EVC2: variants seen among roughly 807,000 people sequenced by gnomAD.
EVC2 encodes EvC ciliary complex subunit 2.
Under a neutral mutation model 149.3 loss-of-function variants are expected in EVC2, and 148 were observed. The ratio of observed to expected loss-of-function variants is 0.99; its 90% confidence interval spans 0.87 to 1.14. EVC2 has a LOEUF of 1.14. Among genes scored for constraint, EVC2 ranks in the 50% most tolerant of loss-of-function variants. The pLI, the probability that EVC2 is intolerant of heterozygous loss-of-function variation, is 0.00. For missense variants in EVC2, 1,854 were observed against 1,627.3 expected, an observed-to-expected ratio of 1.14 and a Z score of -2.40; for synonymous variants, 776 against 649.9, an observed-to-expected ratio of 1.19 and a Z score of -2.95.
At chr4:5,538,294 A>G (rs1043527282), downstream of EVC2, among the ~76,000 whole-genome samples, 1 of 152,202 alleles carries the variant, frequency 6.6e-6, no homozygotes, top group African/African-American at 2.4e-5. Context: ...GAAGAAACAG[A>G]TACTGTATAC....
intron 7 of EVC2, among the ~76,000 whole-genome samples, chr4:5,673,565 C>CCA (rs1719800998): frequency 6.6e-6 from 1 of 151,792 alleles, no homozygotes; most frequent in Non-Finnish European, 1.5e-5. Context: ...ATCCCGGCTT[C>CCA]CCCCCCAGAG....
chr4:5,596,854 T>C (rs973785765), intron 16 of EVC2, among the ~76,000 whole-genome samples: 3 of 151,984 alleles, frequency 2.0e-5, no homozygotes, highest in African/African-American at 4.8e-5. Context: ...AAGAATCAAA[T>C]ACACGCAATA....
At chr4:5,674,194 T>C (rs1248459678) in intron 7 of EVC2, among the ~76,000 whole-genome samples, 2 of 152,168 alleles carry the variant, frequency 1.3e-5, no homozygotes, top group African/African-American at 4.8e-5. Flanking sequence ...GCCTCCCAGC[T>C]GACAATTGGG....
chr4:5,615,015 T>G (rs1715134265), intron 16 of EVC2, among the ~76,000 whole-genome samples: 1 of 151,668 alleles, frequency 6.6e-6, no homozygotes, highest in Non-Finnish European at 1.5e-5. Context: ...AAAATGGGGC[T>G]GAAGGGAGAG....
rs184663593 is a variant in EVC2, at chr4:5,630,655, C to G, written c.1710+1138G>C. On this transcript the variant is annotated intron_variant, in intron 11 of 21. Coordinates refer to ENST00000344408, the MANE Select transcript of EVC2 (RefSeq NM_147127.5). ...AGAAGCACAGTGATGCACTCATGAC[C>G]GTGAACACATTACTGCACTGAGGAA... 3.9e-5 allele frequency among the ~76,000 whole-genome samples: 6 copies of G among 152,094 alleles called. 1 individual carries two copies. The highest frequency in any genetic ancestry group is 1.4e-4 in the African/African-American group (6 of 41,414).
At chr4:5,693,963 C>G (rs1186189364) in intron 3 of EVC2, among the ~76,000 whole-genome samples, 1 of 152,202 alleles carries the variant, frequency 6.6e-6, no homozygotes, top group Non-Finnish European at 1.5e-5. Context: ...ATAGAAAGTG[C>G]TAAACCCAGT....
At chr4:5,609,833 G>A (rs985609525) in intron 16 of EVC2, among the ~76,000 whole-genome samples, 16 of 152,184 alleles carry the variant, frequency 1.1e-4, no homozygotes, top group Non-Finnish European at 2.4e-4. Flanking sequence ...TCTGCTTCCC[G>A]TGCTGGGTCT....
At chr4:5,571,134 G>T (rs572612058) in intron 19 of EVC2, among the ~76,000 whole-genome samples, 3 of 151,960 alleles carry the variant, frequency 2.0e-5, no homozygotes, top group African/African-American at 7.2e-5. Flanking sequence ...TGGCCAACGT[G>T]GTGAAACCCC....
chr4:5,574,052 C>T (rs888699587), intron 19 of EVC2, among the ~76,000 whole-genome samples: 25 of 152,364 alleles, frequency 1.6e-4, no homozygotes, highest in Middle Eastern at 3.4e-3. Context: ...GTCACTGCAT[C>T]AGCGAGCACC....
chr4:5,546,188 A>C (rs187839656), intron 21 of EVC2, among the ~76,000 whole-genome samples: 379 of 152,320 alleles, frequency 2.5e-3, no homozygotes, highest in African/African-American at 7.6e-3. Flanking sequence ...TAGACATACC[A>C]TTTGACCCAG....
intron 21 of EVC2, among the ~76,000 whole-genome samples, chr4:5,546,918 C>T (rs1350367507): frequency 6.6e-6 from 1 of 152,132 alleles, no homozygotes; most frequent in Non-Finnish European, 1.5e-5. Flanking sequence ...GGGGAAGGAG[C>T]TTCCCTGGTG....
intron 2 of EVC2, among the ~76,000 whole-genome samples, chr4:5,694,957 C>T (rs1321669807): frequency 6.6e-6 from 1 of 152,160 alleles, no homozygotes; most frequent in African/African-American, 2.4e-5. Flanking sequence ...TGGGCACCCG[C>T]CTACTGCAGA....
chr4:5,663,525 A>G (rs192030272), intron 8 of EVC2, among the ~76,000 whole-genome samples: 10 of 152,360 alleles, frequency 6.6e-5, no homozygotes, highest in African/African-American at 2.2e-4. Flanking sequence ...TAAGACCTAT[A>G]AACTATTTAA....
chr4:5,651,806 C>G (rs4689271), intron 9 of EVC2, among the ~76,000 whole-genome samples: 57,145 of 152,128 alleles, frequency 0.38, 11,642 homozygotes, highest in East Asian at 0.48. Context: ...CAGGCTAACT[C>G]CCCTTATAGC....
intron 4 of EVC2, 84 bp from the exon 5 acceptor site, chr4:5,689,427 A>T (rs1720954895): frequency 1.5e-6 from 2 of 1,370,810 alleles, no homozygotes; most frequent in Non-Finnish European, 2.1e-6. Flanking sequence ...GCCTGTGCAC[A>T]TTAGGCATCC....
At chr4:5,608,516 G>C (rs1714575042) in intron 16 of EVC2, among the ~76,000 whole-genome samples, 1 of 152,138 alleles carries the variant, frequency 6.6e-6, no homozygotes. Context: ...TTCTGAAAGA[G>C]ATTAGCATCT....
intron 10 of EVC2, among the ~76,000 whole-genome samples, chr4:5,638,459 G>T (rs1038700526): frequency 1.3e-5 from 2 of 152,006 alleles, no homozygotes; most frequent in Admixed American, 1.3e-4. Flanking sequence ...GATCATTTAG[G>T]AGCTGAATCA....
intron 9 of EVC2, among the ~76,000 whole-genome samples, chr4:5,655,549 T>G (rs1012680645): frequency 2.0e-5 from 3 of 152,052 alleles, no homozygotes; most frequent in Non-Finnish European, 4.4e-5. Flanking sequence ...AATGGCCCTT[T>G]AGACCCAGCC....
Position 5,576,200 on chromosome 4 carries a change from G to A in EVC2, c.3272+40C>T. ...GATGCCAGGTTCTCCAGGACTGCTG[G>A]GGACTAATATCTTTGAGTGCTACGG... On this transcript the variant is annotated intron_variant, in intron 18 of 21. Coordinates refer to ENST00000344408, the MANE Select transcript of EVC2 (RefSeq NM_147127.5). This position sits in a 1 kb window ranked among gnomAD's most constrained non-coding sequence, Gnocchi z 4.5. The A allele has an allele frequency of 1.2e-6, 2 of 1,613,924 alleles. No homozygotes were observed. Among genetic ancestry groups the A allele is most frequent in the East Asian group, 2.2e-5 (1 of 44,876 alleles).
Sources: gnomAD v4.1 joint callset for allele counts (sites outside exome capture counted in the v4.1 genomes callset) on GRCh38, gnomAD v4.1.1 for gene constraint, Gnocchi (gnomAD v3.1) non-coding constraint, MANE v1.5 for transcripts, NCBI Gene and HGNC (gene_info 2026-07-23, HGNC 2026-07-21) for gene names.